TACC2: variants seen among roughly 807,000 people sequenced by gnomAD.
TACC2 encodes transforming acidic coiled-coil containing protein 2.
In TACC2, 137 loss-of-function variants were observed where a neutral mutation model predicts 227.3. The observed-to-expected ratio is 0.60, with a 90% confidence interval of 0.52 to 0.69. The LOEUF is 0.69. Ranked by LOEUF, TACC2 falls within the 30% of genes least tolerant of loss-of-function variation. The pLI is 0.00. For missense variants in TACC2, 3,470 were observed against 3,694.4 expected (o/e 0.94, Z 1.57); for synonymous variants, 1,523 against 1,487.5 (o/e 1.02, Z -0.55).
chr10:122,022,084 C>T lies in TACC2; in HGVS notation c.33+70C>T, dbSNP rs549782174. ...GCAGACCTTGACTAGGTTCTTTTTA[C>T]AGCGTCTCATCTTCACCCAGGAAGG... On this transcript the variant is annotated intron_variant, in intron 2 of 22. Coordinates refer to ENST00000369005, the MANE Select transcript of TACC2 (RefSeq NM_206862.4). The T allele has an allele frequency of 3.0e-5, 46 of 1,513,280 alleles. No homozygotes were observed. In the African/African-American group the frequency reaches 5.2e-4, roughly 17 times the overall value. The allele number at this position is 1,513,280 out of a possible 1,614,324, so 93.7% of individuals were successfully genotyped here.
intron 1 of TACC2, among the ~76,000 whole-genome samples, chr10:122,017,968 T>A (rs555200759): frequency 6.8e-6 from 1 of 146,088 alleles, no homozygotes; most frequent in South Asian, 2.2e-4. Context: ...TTTTTTTTTT[T>A]AATGTAAAAG....
chr10:122,065,234 T>C (rs899710367), intron 3 of TACC2, among the ~76,000 whole-genome samples: 8 of 152,220 alleles, frequency 5.3e-5, no homozygotes, highest in African/African-American at 1.7e-4. Flanking sequence ...GCTGGCATCA[T>C]TGATTTGAGA....
intron 19 of TACC2, among the ~76,000 whole-genome samples, chr10:122,243,144 A>C (rs757115642): frequency 6.6e-6 from 1 of 152,096 alleles, no homozygotes; most frequent in Non-Finnish European, 1.5e-5. Context: ...GGGTTTCACT[A>C]TGTTGGCCAG....
intron 1 of TACC2, among the ~76,000 whole-genome samples, chr10:121,990,344 C>T (rs1374837156): frequency 6.6e-6 from 1 of 152,014 alleles, no homozygotes; most frequent in East Asian, 1.9e-4. Context: ...TCTCAAACCC[C>T]TAGGCTCAAG....
chr10:122,219,180 G>C (rs2095474304), intron 11 of TACC2, among the ~76,000 whole-genome samples: 1 of 152,016 alleles, frequency 6.6e-6, no homozygotes, highest in South Asian at 2.1e-4. Context: ...CCTCTGCAGT[G>C]CTGCTGTAGA....
At chr10:122,160,916 A>C (rs2092780726) in intron 7 of TACC2, among the ~76,000 whole-genome samples, 1 of 152,152 alleles carries the variant, frequency 6.6e-6, no homozygotes, top group Non-Finnish European at 1.5e-5. Flanking sequence ...ATCGACTGTA[A>C]TGGTGCCCAC....
At chr10:122,168,162 C>A (rs1250407525) in intron 7 of TACC2, among the ~76,000 whole-genome samples, 8 of 152,060 alleles carry the variant, frequency 5.3e-5, no homozygotes, top group African/African-American at 1.9e-4. Context: ...GCTTCAGCCT[C>A]CCGAAGTGTT....
At chr10:122,142,709 C>T (rs1490920653) in intron 6 of TACC2, among the ~76,000 whole-genome samples, 2 of 152,206 alleles carry the variant, frequency 1.3e-5, no homozygotes, top group African/African-American at 2.4e-5. Flanking sequence ...GGTTTCAGGC[C>T]GTCTGTGCTG....
intron 19 of TACC2, among the ~76,000 whole-genome samples, chr10:122,243,037 A>G (rs2096037562): frequency 6.6e-6 from 1 of 152,140 alleles, no homozygotes; most frequent in African/African-American, 2.4e-5. Flanking sequence ...TCCACCCCCC[A>G]GGTTCGAGCA....
chr10:122,062,428 G>A (rs929136379), intron 3 of TACC2, among the ~76,000 whole-genome samples: 3 of 150,862 alleles, frequency 2.0e-5, no homozygotes, highest in East Asian at 1.9e-4. Flanking sequence ...CTCGGCCTCC[G>A]GAGTAGCTGG....
In TACC2 at chr10:122,079,679, A is replaced by G. The variant is rs182522108; in HGVS notation, c.147-2968A>G. 1.7e-3 allele frequency among the ~76,000 whole-genome samples: 252 copies of G among 152,336 alleles called. 1 individual carries two copies. The highest frequency in any genetic ancestry group is 3.1e-3 in the Non-Finnish European group (209 of 68,032). On this transcript the variant is annotated intron_variant, in intron 3 of 22. Coordinates refer to ENST00000369005, the MANE Select transcript of TACC2 (RefSeq NM_206862.4). ...GAGGCTGGAATGGGGCTGGGGGAAG[A>G]GGCTCTTGCCTTCCTTGGAAGTTTT...
At chr10:122,163,629 C>A in intron 7 of TACC2, 1 of 1,026,392 alleles carries the variant, frequency 9.7e-7, no homozygotes, top group Non-Finnish European at 1.2e-6. Flanking sequence ...ACCACACCGG[C>A]GCTCACGCTC....
At chr10:122,128,033 G>A (rs1336602653) in intron 5 of TACC2, among the ~76,000 whole-genome samples, 2 of 152,150 alleles carry the variant, frequency 1.3e-5, no homozygotes, top group African/African-American at 4.8e-5. Flanking sequence ...TAGAAGCAGA[G>A]AACTGCAAGG....
chr10:122,229,575 T>C, intron 15 of TACC2, 89 bp downstream of exon 15: 1 of 1,484,368 alleles, frequency 6.7e-7, no homozygotes, highest in South Asian at 1.2e-5. Flanking sequence ...AAGGCAGGAT[T>C]TGATGAGGAA....
chr10:122,049,119 G>A (rs192843459), intron 2 of TACC2, among the ~76,000 whole-genome samples: 271 of 152,310 alleles, frequency 1.8e-3, no homozygotes, highest in African/African-American at 6.2e-3. Context: ...GTGGACCGGG[G>A]AATGCACTCT....
intron 5 of TACC2, among the ~76,000 whole-genome samples, chr10:122,124,628 T>A (rs2086480233): frequency 6.6e-6 from 1 of 152,180 alleles, no homozygotes; most frequent in African/African-American, 2.4e-5. Context: ...CGCTGTGTCC[T>A]CCAGACCCAA....
At chr10:122,090,781 C>G (rs1385084999) in intron 5 of TACC2, among the ~76,000 whole-genome samples, 5 of 152,020 alleles carry the variant, frequency 3.3e-5, no homozygotes, top group African/African-American at 9.7e-5. Flanking sequence ...CAGGGTCTCA[C>G]TCTGTCACCC....
At chr10:122,023,842 G>A (rs1324627620) in intron 2 of TACC2, 1 of 151,094 alleles carries the variant, frequency 6.6e-6, no homozygotes, top group Non-Finnish European at 1.5e-5. Flanking sequence ...AAAAGACTGG[G>A]TGTGAGACAA....
Position 122,073,152 on chromosome 10 carries a change from T to C in TACC2, c.147-9495T>C, listed in dbSNP as rs1304883534. Among the ~76,000 whole-genome samples, 388 of 92,492 alleles carry C rather than the reference T, an allele frequency of 4.2e-3. 2 individuals carry two copies. Among genetic ancestry groups the C allele is most frequent in the Middle Eastern group, 0.036 (5 of 138 alleles). 60.7% of individuals were successfully genotyped at this position (92,492 alleles called of 152,430 possible). On this transcript the variant is annotated intron_variant, in intron 3 of 22. Transcript: ENST00000369005. ...ATATATATATATATATATATATATA[T>C]ACACACACACACACGCATACATGAG...
Sources: gnomAD v4.1 joint callset for allele counts (sites outside exome capture counted in the v4.1 genomes callset) on GRCh38, gnomAD v4.1.1 for gene constraint, MANE v1.5 for transcripts, NCBI Gene and HGNC (gene_info 2026-07-23, HGNC 2026-07-21) for gene names.